The following KCNQ1 variants were observed in gnomAD, a reference collection of about 807,000 sequenced individuals.
KCNQ1 encodes potassium voltage-gated channel subfamily KQT member 1.
In KCNQ1, 49 loss-of-function variants were observed where a neutral mutation model predicts 72.4. The observed-to-expected ratio is 0.68, with a 90% CI of 0.54 to 0.86. The LOEUF (loss-of-function observed/expected upper bound fraction) is 0.86. Among genes scored for constraint, KCNQ1 ranks in the 40% least tolerant of loss-of-function variants. The pLI is 0.00. For synonymous variants in KCNQ1, 450 were observed against 412.6 expected (o/e 1.09, Z -1.10); for missense variants, 790 against 945.1 (o/e 0.84, Z 2.15).
chr11:2,506,202 T>TA (rs1317625921), intron 1 of KCNQ1, among the ~76,000 whole-genome samples: 1 of 152,234 alleles, frequency 6.6e-6, no homozygotes, highest in Non-Finnish European at 1.5e-5. Flanking sequence ...CTTTAGGTCT[T>TA]ACATTTATAC....
Position 2,762,992 on chromosome 11 carries a change from A to C in KCNQ1, c.1515-5852A>C, listed in dbSNP as rs1590073791. On this transcript the variant is annotated intron_variant, in intron 11 of 15. Transcript: ENST00000155840. The surrounding 1 kb of genome is among the most constrained non-coding windows in gnomAD (Gnocchi z 4.3). ...CAGACCTCTGACTTTGTTGTTCTTC[A>C]AGATCGTCTTGGCTATTCTTGGCCC... is the stretch of plus-strand genomic sequence containing the variant. Among the ~76,000 whole-genome samples, 1 of 152,318 alleles carries C rather than the reference A, an allele frequency of 6.6e-6. No homozygotes were observed. Among genetic ancestry groups the C allele is most frequent in the East Asian group, 1.9e-4 (1 of 5,192 alleles).
At chr11:2,738,124 G>A (rs1021811642) in intron 11 of KCNQ1, among the ~76,000 whole-genome samples, 4 of 152,066 alleles carry the variant, frequency 2.6e-5, no homozygotes, top group African/African-American at 9.7e-5. Context: ...GAAGATGAAC[G>A]AGGAAAGGAG....
At chr11:2,699,555 G>A (rs1240851250) in intron 11 of KCNQ1, 2 of 342,822 alleles carry the variant, frequency 5.8e-6, no homozygotes, top group Non-Finnish European at 1.0e-5. Context: ...GGACCGCGCG[G>A]AGGAGAACCA....
At position 2,509,006 on chromosome 11, in the gene KCNQ1, T is replaced by C. The variant is rs976805759; in HGVS notation, c.387-18922T>C. On this transcript the variant is annotated intron_variant, in intron 1 of 15. Coordinates refer to ENST00000155840, the MANE Select transcript of KCNQ1 (RefSeq NM_000218.3). The surrounding 1 kb of genome is among the most constrained non-coding windows in gnomAD (Gnocchi z 6.3). ...GCCCTGGGCAAGGGTGTGCAGAGTC[T>C]GCATGGGATTTGACTGAGCAATCTG... is the stretch of plus-strand genomic sequence containing the variant. Among the ~76,000 whole-genome samples, 1 of 152,216 alleles carries C rather than the reference T, an allele frequency of 6.6e-6. No homozygotes were observed. Among genetic ancestry groups the C allele is most frequent in the Non-Finnish European group, 1.5e-5 (1 of 68,040 alleles).
chr11:2,553,553 A>G (rs2133697409), intron 2 of KCNQ1, among the ~76,000 whole-genome samples: 1 of 152,286 alleles, frequency 6.6e-6, no homozygotes, highest in African/African-American at 2.4e-5. Flanking sequence ...ATCTCAATCA[A>G]ATTCTTTCTT....
At chr11:2,666,560 A>G in intron 11 of KCNQ1, 1 of 398,660 alleles carries the variant, frequency 2.5e-6, no homozygotes, top group Admixed American at 4.4e-5. Flanking sequence ...TGAATTCTGC[A>G]TTTGTCAGCA....
rs535955936 is a variant in KCNQ1, at chr11:2,515,688, T to C, written c.387-12240T>C. Among the ~76,000 whole-genome samples the C allele has an allele frequency of 1.3e-5, 2 of 152,186 alleles. No homozygotes were observed. Among genetic ancestry groups the C allele is most frequent in the Admixed American group, 1.3e-4 (2 of 15,296 alleles). ...CCTAGGGCAGATAGGGCCACATCCA[T>C]GGGGTCACTTCAGTTTGTCCTCCCG... On this transcript the variant is annotated intron_variant, in intron 1 of 15. Transcript: ENST00000155840. The surrounding 1 kb of genome is among the most constrained non-coding windows in gnomAD (Gnocchi z 4.7).
chr11:2,629,076 C>A, intron 10 of KCNQ1: 1 of 397,944 alleles, frequency 2.5e-6, no homozygotes, highest in Non-Finnish European at 4.4e-6. Context: ...TCTTTAAGGT[C>A]TTTTGTAGTT....
At chr11:2,637,171 C>G (rs1589996253) in intron 10 of KCNQ1, 1 of 152,018 alleles carries the variant, frequency 6.6e-6, no homozygotes, top group East Asian at 1.9e-4. Context: ...TTTTTTGTGT[C>G]TCTATCTCCT....
rs1463324669 is a variant in KCNQ1, at chr11:2,602,792, T to C, written c.1393+13938T>C. On this transcript the variant is annotated intron_variant, in intron 10 of 15. Transcript: ENST00000155840. The surrounding 1 kb of genome is among the most constrained non-coding windows in gnomAD (Gnocchi z 4.8). Reference sequence around the variant, plus strand: ...AGACTTTTTGTTAACTGTCGAGTTTTGGGAGATGTTTATATATTCTAGATA... The same window carrying C: ...AGACTTTTTGTTAACTGTCGAGTTTCGGGAGATGTTTATATATTCTAGATA... Among the ~76,000 whole-genome samples, 3 of 152,266 alleles carry C rather than the reference T, an allele frequency of 2.0e-5. No homozygotes were observed. The highest frequency in any genetic ancestry group is 7.2e-5 in the African/African-American group (3 of 41,470).
intron 11 of KCNQ1, among the ~76,000 whole-genome samples, chr11:2,761,741 C>T (rs535957653): frequency 5.3e-5 from 8 of 152,362 alleles, no homozygotes; most frequent in South Asian, 4.1e-4. Context: ...AGGTAGCCAG[C>T]GCTGTCACCA....
rs1301339828 is a variant in KCNQ1, at chr11:2,690,279, G to C, written c.1514+28198G>C. 1.0e-5 allele frequency: 4 copies of C among 398,658 alleles called. No homozygotes were observed. The allele number at this position is 398,658 out of a possible 1,614,324, so 24.7% of individuals were successfully genotyped here. ...TGCTCCTTGCTGCATCTGCACATAT[G>C]TGTAGTGTCTTCCTCCCTGTAGGAT... On this transcript the variant is annotated intron_variant, in intron 11 of 15. Transcript: ENST00000155840. This position sits in a 1 kb window ranked among gnomAD's most constrained non-coding sequence, Gnocchi z 5.1.
In KCNQ1 at chr11:2,830,552, G is replaced by A. The variant is rs941469387; in HGVS notation, c.1795-17215G>A. ...CTCCAGCCCCGGGAGCAGGAAGGGC[G>A]GGCTGGGAGCTGCAGGATGGGGCCT... On this transcript the variant is annotated intron_variant, in intron 15 of 15. Transcript: ENST00000155840. This position sits in a 1 kb window ranked among gnomAD's most constrained non-coding sequence, Gnocchi z 7.7. Among the ~76,000 whole-genome samples, 3 of 152,108 alleles carry A rather than the reference G, an allele frequency of 2.0e-5. No individual in the cohort carries two copies. Among genetic ancestry groups the A allele is most frequent in the African/African-American group, 4.8e-5 (2 of 41,424 alleles).
At chr11:2,714,277 C>T (rs1851052752) in intron 11 of KCNQ1, among the ~76,000 whole-genome samples, 2 of 152,242 alleles carry the variant, frequency 1.3e-5, no homozygotes, top group African/African-American at 2.4e-5. Flanking sequence ...ACTCACCTCA[C>T]ATGGCCTGAG....
chr11:2,527,303 C>T (rs973742785), intron 1 of KCNQ1, among the ~76,000 whole-genome samples: 1 of 152,180 alleles, frequency 6.6e-6, no homozygotes, highest in South Asian at 2.1e-4. Context: ...GGTGTCAGGA[C>T]CCCCACCTGG....
chr11:2,727,164 G>A (rs1204481230), intron 11 of KCNQ1, among the ~76,000 whole-genome samples: 4 of 152,208 alleles, frequency 2.6e-5, no homozygotes, highest in Non-Finnish European at 5.9e-5. Context: ...CCATGGGGCA[G>A]TGGGGCTCTG....
chr11:2,619,607 T>A (rs1278195481), intron 10 of KCNQ1: 1 of 398,582 alleles, frequency 2.5e-6, no homozygotes, highest in African/African-American at 2.1e-5. Flanking sequence ...ATTCTTGGGT[T>A]ATGTTGGCCT....
rs796923113 is a variant in KCNQ1 at position 2,785,709 on chromosome 11, A to G, written c.1794+7672A>G. ...GCTTTCCACTTGTACTAAATCTGTAATATTTATTTTTCTCCTCTTTCTTGC... is the reference window on the plus strand; with the variant it reads ...GCTTTCCACTTGTACTAAATCTGTAGTATTTATTTTTCTCCTCTTTCTTGC... On this transcript the variant is annotated intron_variant, in intron 15 of 15. Transcript: ENST00000155840. The surrounding 1 kb of genome is among the most constrained non-coding windows in gnomAD (Gnocchi z 4.4). Among the ~76,000 whole-genome samples, 30 of 152,004 alleles carry G rather than the reference A, an allele frequency of 2.0e-4. No homozygotes were observed. The East Asian group carries it at 5.4e-3, about 27-fold the overall frequency.
rs372981287 is a variant in KCNQ1, at chr11:2,740,449, C to T, written c.1515-28395C>T. On this transcript the variant is annotated intron_variant, in intron 11 of 15. Coordinates refer to ENST00000155840, the MANE Select transcript of KCNQ1 (RefSeq NM_000218.3). ...GATATGGAATGAGTGACAGATGGGG[C>T]GAGGGACCCCGATGCAGCCCCACCC... Among the ~76,000 whole-genome samples, 13 of 152,290 alleles carry T rather than the reference C, an allele frequency of 8.5e-5. No homozygotes were observed. In the East Asian group the frequency reaches 1.9e-3, roughly 23 times the overall value.
Sources: gnomAD v4.1 joint callset for allele counts (sites outside exome capture counted in the v4.1 genomes callset) on GRCh38, gnomAD v4.1.1 for gene constraint, Gnocchi (gnomAD v3.1) non-coding constraint, MANE v1.5 for transcripts, NCBI Gene and HGNC (gene_info 2026-07-23, HGNC 2026-07-21) for gene names.